The following ACSS3 variants were observed in gnomAD, a reference collection of about 807,000 sequenced individuals.
ACSS3 encodes acyl-CoA synthetase short-chain family member 3, mitochondrial.
Under a neutral mutation model 84.2 loss-of-function variants are expected in ACSS3, and 64 were observed. That is an observed-to-expected ratio of 0.76 (90% CI 0.62 to 0.94). The LOEUF is 0.94. Ranked by LOEUF, ACSS3 falls within the 40% of genes least tolerant of loss-of-function variation. ACSS3 has a pLI of 0.00. For missense variants in ACSS3, 815 were observed against 867.6 expected, an observed-to-expected ratio of 0.94 and a Z score of 0.76; for synonymous variants, 317 against 310.1, an observed-to-expected ratio of 1.02 and a Z score of -0.23.
intron 13 of ACSS3, among the ~76,000 whole-genome samples, chr12:81,245,253 A>G (rs565619843): frequency 6.6e-6 from 1 of 152,282 alleles, no homozygotes; most frequent in African/African-American, 2.4e-5. Context: ...CGAGGTCAGG[A>G]GATCGAGACC....
At chr12:81,242,384 A>C (rs974972138) in intron 13 of ACSS3, among the ~76,000 whole-genome samples, 1 of 151,942 alleles carries the variant, frequency 6.6e-6, no homozygotes, top group East Asian at 1.9e-4. Flanking sequence ...CCAACCAAAA[A>C]GAGTCCAGGA....
At chr12:81,121,840 C>T (rs897403220) in intron 2 of ACSS3, among the ~76,000 whole-genome samples, 4 of 151,942 alleles carry the variant, frequency 2.6e-5, no homozygotes, top group Non-Finnish European at 5.9e-5. Context: ...CTTATCTGAC[C>T]TTTACGTATT....
At chr12:81,152,902 G>A (rs1886679274) in intron 7 of ACSS3, among the ~76,000 whole-genome samples, 1 of 152,156 alleles carries the variant, frequency 6.6e-6, no homozygotes, top group African/African-American at 2.4e-5. Flanking sequence ...AGTTTATGTA[G>A]CCAAATCTCT....
At chr12:81,139,024 C>T (rs1885950110) in intron 3 of ACSS3, 107 bp from the exon 4 acceptor site, 9 of 1,193,836 alleles carry the variant, frequency 7.5e-6, no homozygotes, top group Non-Finnish European at 7.1e-6. Flanking sequence ...CAGAAACATT[C>T]AGACATTTCT....
chr12:81,233,408 G>T lies in ACSS3; in HGVS notation c.1656G>T (p.Met552Ile), dbSNP rs1284936058. 6.2e-7 allele frequency: 1 copy of T among 1,611,066 alleles called. No homozygotes were observed. Among genetic ancestry groups the T allele is most frequent in the Non-Finnish European group, 8.5e-7 (1 of 1,177,998 alleles). Residue 552 changes from methionine to isoleucine, a missense_variant, in exon 13 of 16, where the codon ATG (methionine) becomes ATT (isoleucine). By Grantham distance (10) the Met-to-Ile change is conservative. Coordinates refer to ENST00000548058, the MANE Select transcript of ACSS3 (RefSeq NM_024560.4). ...ATGAAGAAGGCTATTTGTATGTTAT[G>T]TCTCGAGTGGATGATGTAATAAATG... ...YMDEEGYLYV[M>I]SRVDDVINVA...
intron 8 of ACSS3, among the ~76,000 whole-genome samples, chr12:81,184,393 A>G (rs140550970): frequency 3.4e-4 from 52 of 152,006 alleles, no homozygotes; most frequent in African/African-American, 1.2e-3. Context: ...TGCAAAACGA[A>G]TAAACAACTA....
intron 7 of ACSS3, 115 bp downstream of exon 7, chr12:81,152,211 T>C (rs1428650337): frequency 1.5e-6 from 1 of 670,598 alleles, no homozygotes; most frequent in Non-Finnish European, 2.4e-6. Context: ...GACATTATTA[T>C]ATCTTCTTCC....
At chr12:81,118,974 C>G (rs1321450329) in intron 2 of ACSS3, among the ~76,000 whole-genome samples, 3 of 152,122 alleles carry the variant, frequency 2.0e-5, no homozygotes, top group Non-Finnish European at 4.4e-5. Flanking sequence ...TCAGAGAAGG[C>G]TTCACTATTG....
chr12:81,139,022 T>C, intron 3 of ACSS3, 109 bp from the exon 4 acceptor site: 1 of 1,184,178 alleles, frequency 8.4e-7, no homozygotes, highest in Non-Finnish European at 1.2e-6. Context: ...AACAGAAACA[T>C]TCAGACATTT....
intron 1 of ACSS3, among the ~76,000 whole-genome samples, chr12:81,088,411 G>A (rs1881457887): frequency 6.6e-6 from 1 of 152,138 alleles, no homozygotes; most frequent in South Asian, 2.1e-4. Context: ...GTCTGCTAAA[G>A]TACATAAACA....
In ACSS3 at chr12:81,216,941, C is replaced by A; in HGVS notation, c.1395C>A (p.Gly465=). 1 of 1,611,208 alleles carries A rather than the reference C, an allele frequency of 6.2e-7. No homozygotes were observed. The highest frequency in any genetic ancestry group is 8.5e-7 in the Non-Finnish European group (1 of 1,178,020). ...SPITASCVGL[G]NSKTPPPGQA... The stretch of plus-strand genomic sequence containing the variant: ...TTACTGCGTCATGTGTTGGATTAGG[C>A]AATTCTAAAACACCTCCACCAGGGC... Residue 465 remains glycine, a synonymous_variant, in exon 10 of 16, where the codon GGC becomes GGA. Coordinates refer to ENST00000548058, the MANE Select transcript of ACSS3 (RefSeq NM_024560.4).
intron 7 of ACSS3, among the ~76,000 whole-genome samples, chr12:81,160,781 G>A (rs1206691127): frequency 6.6e-6 from 1 of 152,030 alleles, no homozygotes. Context: ...CTTTAAATTA[G>A]TGAATACTTT....
chr12:81,120,945 C>T (rs922908740), intron 2 of ACSS3, among the ~76,000 whole-genome samples: 1 of 152,174 alleles, frequency 6.6e-6, no homozygotes, highest in African/African-American at 2.4e-5. Context: ...ATTCTTGGCA[C>T]ATACCATGAT....
intron 13 of ACSS3, among the ~76,000 whole-genome samples, chr12:81,235,207 A>G (rs1367877058): frequency 6.6e-6 from 1 of 151,370 alleles, no homozygotes; most frequent in African/African-American, 2.4e-5. Context: ...TGCCATTGCA[A>G]CTTTGTCAAA....
rs186506260 is a variant in ACSS3 at position 81,107,301 on chromosome 12, C to A, written c.312-2259C>A. ...GCAAAGAAGTAGGAGAAGAATAATG[C>A]AAATAAATGACAAAGTAAATTCTGT... On this transcript the variant is annotated intron_variant, in intron 1 of 15. Coordinates refer to ENST00000548058, the MANE Select transcript of ACSS3 (RefSeq NM_024560.4). Among the ~76,000 whole-genome samples the A allele has an allele frequency of 2.2e-3, 334 of 151,426 alleles. 3 individuals carry two copies. Among genetic ancestry groups the A allele is most frequent in the Admixed American group, 4.9e-3 (75 of 15,186 alleles).
chr12:81,237,971 G>A (rs2033679792), intron 13 of ACSS3, among the ~76,000 whole-genome samples: 1 of 151,672 alleles, frequency 6.6e-6, no homozygotes, highest in South Asian at 2.1e-4. Context: ...TCACCATTGA[G>A]TATGATGTAA....
At chr12:81,245,971 A>G (rs2033972573) in intron 13 of ACSS3, among the ~76,000 whole-genome samples, 1 of 152,068 alleles carries the variant, frequency 6.6e-6, no homozygotes, top group Non-Finnish European at 1.5e-5. Context: ...AGTTACCAGG[A>G]TTATTCCTGC....
chr12:81,197,918 C>A (rs555281214), intron 8 of ACSS3, among the ~76,000 whole-genome samples: 13 of 152,272 alleles, frequency 8.5e-5, no homozygotes, highest in African/African-American at 3.1e-4. Context: ...TTCCCATCCC[C>A]TGTATCACAC....
intron 2 of ACSS3, among the ~76,000 whole-genome samples, chr12:81,131,564 A>G (rs1383819354): frequency 6.6e-6 from 1 of 152,180 alleles, no homozygotes. Flanking sequence ...GCAATCATTC[A>G]TCTGCAAACA....
Sources: gnomAD v4.1 joint callset for allele counts (sites outside exome capture counted in the v4.1 genomes callset) on GRCh38, gnomAD v4.1.1 for gene constraint, MANE v1.5 for transcripts, NCBI Gene and HGNC (gene_info 2026-07-23, HGNC 2026-07-21) for gene names.